Variants in RFX3 observed in about 807,000 individuals in gnomAD.
RFX3 encodes transcription factor RFX3.
Under a neutral mutation model 98.6 loss-of-function variants are expected in RFX3, and 14 were observed. The observed-to-expected ratio is 0.14, with a 90% CI of 0.09 to 0.22. The LOEUF (loss-of-function observed/expected upper bound fraction) is 0.22, where lower values mean the gene tolerates loss of function less well. RFX3 is among the 10% of genes least tolerant of loss of function. The probability of loss-of-function intolerance (pLI) is 1.00; values close to 1 mark genes in which losing one functional copy is unlikely to be tolerated. For synonymous variants in RFX3, 383 were observed against 328.4 expected, an observed-to-expected ratio of 1.17 and a Z score of -1.80; for missense variants, 639 against 926.9, an observed-to-expected ratio of 0.69 and a Z score of 4.03.
rs547062921 is a variant in RFX3, at chr9:3,271,278, A to G, written c.1087-160T>C. On this transcript the variant is annotated intron_variant, in intron 9 of 16. Transcript: ENST00000617270. The stretch of plus-strand genomic sequence containing the variant: ...AAATTTTACCAAAGGAAGTGGAAGA[A>G]AAAAAAAAAAGAAACTAGCTAGGAA... Among the ~76,000 whole-genome samples, 33 of 149,702 alleles carry G rather than the reference A, an allele frequency of 2.2e-4. 1 individual carries two copies. The highest frequency in any genetic ancestry group is 7.0e-3 in the Middle Eastern group (2 of 284).
intron 4 of RFX3, among the ~76,000 whole-genome samples, chr9:3,327,193 T>C (rs371317583): frequency 7.9e-5 from 12 of 151,648 alleles, no homozygotes; most frequent in African/African-American, 2.7e-4. Context: ...TGGCATGGCA[T>C]CTCCTAAAAA....
intron 4 of RFX3, among the ~76,000 whole-genome samples, chr9:3,327,201 A>G (rs532870338): frequency 2.0e-5 from 3 of 152,208 alleles, no homozygotes; most frequent in African/African-American, 7.2e-5. Flanking sequence ...CATCTCCTAA[A>G]AAAAAAAATC....
intron 1 of RFX3, among the ~76,000 whole-genome samples, chr9:3,478,413 T>A (rs1271465401): frequency 6.6e-6 from 1 of 151,646 alleles, no homozygotes; most frequent in Non-Finnish European, 1.5e-5. Context: ...CTAGAACTTT[T>A]TTTTTTTTTT....
chr9:3,411,659 T>TG (rs199753904), intron 1 of RFX3, among the ~76,000 whole-genome samples: 3,310 of 137,540 alleles, frequency 0.024, 55 homozygotes, highest in African/African-American at 0.049. Context: ...TGTGTGTGTG[T>TG]TTTTTTTTTT....
rs1237858099 is a variant in RFX3, at chr9:3,219,844, T to G, written c.*5198A>C. 1.3e-5 allele frequency: 2 copies of G among 152,198 alleles called. No individual in the cohort carries two copies. The highest frequency in any genetic ancestry group is 4.8e-5 in the African/African-American group (2 of 41,448). The allele number at this position is 152,198 out of a possible 1,614,324, so 9.4% of individuals were successfully genotyped here. A position where few individuals can be genotyped will look rare whatever the true frequency, so the allele number is the denominator to read the frequency against. ...CAACGTTTACGGCATACTTGCACTA[T>G]GCTATGGATGTCCTTTCACCAGACA... is the stretch of plus-strand genomic sequence containing the variant. On this transcript the variant is annotated 3_prime_UTR_variant, in exon 17 of 17. Transcript: ENST00000617270.
At chr9:3,400,227 T>A (rs996275955) in intron 1 of RFX3, 2 of 982,586 alleles carry the variant, frequency 2.0e-6, no homozygotes, top group African/African-American at 1.7e-5. Context: ...GGCAAACTGA[T>A]GAATTTTTAG....
intron 16 of RFX3, among the ~76,000 whole-genome samples, chr9:3,226,712 C>A (rs1454657580): frequency 6.6e-6 from 1 of 152,062 alleles, no homozygotes; most frequent in African/African-American, 2.4e-5. Flanking sequence ...AGAGGGATAC[C>A]TTTTGTAGAC....
At chr9:3,284,926 A>T (rs1274132952) in intron 7 of RFX3, among the ~76,000 whole-genome samples, 1 of 151,758 alleles carries the variant, frequency 6.6e-6, no homozygotes, top group Non-Finnish European at 1.5e-5. Flanking sequence ...ATTGCTGGGA[A>T]TTGGATTTAT....
At chr9:3,305,058 G>C (rs1829115187) in intron 4 of RFX3, among the ~76,000 whole-genome samples, 1 of 151,996 alleles carries the variant, frequency 6.6e-6, no homozygotes, top group Non-Finnish European at 1.5e-5. Flanking sequence ...CAAAACCCAT[G>C]TATTAAAAGA....
intron 2 of RFX3, among the ~76,000 whole-genome samples, chr9:3,361,903 T>C (rs1446468637): frequency 6.6e-6 from 1 of 152,018 alleles, no homozygotes; most frequent in Non-Finnish European, 1.5e-5. Flanking sequence ...GCCATGATTG[T>C]GCCACTGCAC....
chr9:3,461,179 CTAA>C (rs1394205813), intron 1 of RFX3, among the ~76,000 whole-genome samples: 1 of 151,480 alleles, frequency 6.6e-6, no homozygotes, highest in African/African-American at 2.4e-5. Flanking sequence ...GGTTAAAATT[CTAA>C]TATTTTTAAA....
intron 1 of RFX3, among the ~76,000 whole-genome samples, chr9:3,522,568 T>C (rs1212748897): frequency 6.6e-6 from 1 of 151,814 alleles, no homozygotes; most frequent in Non-Finnish European, 1.5e-5. Context: ...TGTGTGTGTG[T>C]GTGTGTGTGT....
intron 4 of RFX3, among the ~76,000 whole-genome samples, chr9:3,304,430 G>T (rs1829035161): frequency 6.6e-6 from 1 of 151,886 alleles, no homozygotes; most frequent in African/African-American, 2.4e-5. Flanking sequence ...TTACAATCCA[G>T]TAAGAGAGAC....
intron 1 of RFX3, among the ~76,000 whole-genome samples, chr9:3,513,651 G>C (rs1177399118): frequency 3.3e-5 from 5 of 152,126 alleles, no homozygotes; most frequent in Non-Finnish European, 5.9e-5. Flanking sequence ...CGGGCAGTAG[G>C]ACTGGAAGTG....
intron 1 of RFX3, among the ~76,000 whole-genome samples, chr9:3,401,039 T>C (rs1444423485): frequency 3.3e-5 from 5 of 152,210 alleles, no homozygotes; most frequent in African/African-American, 7.2e-5. Context: ...CAGCAATCTT[T>C]GGGGTTCTCA....
At chr9:3,423,385 T>C (rs1056932796) in intron 1 of RFX3, among the ~76,000 whole-genome samples, 12 of 152,098 alleles carry the variant, frequency 7.9e-5, no homozygotes, top group Non-Finnish European at 1.6e-4. Flanking sequence ...AAACCAAATA[T>C]ACATCAAGAG....
intron 13 of RFX3, among the ~76,000 whole-genome samples, chr9:3,259,387 T>A (rs978492023): frequency 1.3e-5 from 2 of 152,076 alleles, no homozygotes; most frequent in South Asian, 4.1e-4. Context: ...TTTACTACTC[T>A]CTAAAGTGAA....
intron 1 of RFX3, among the ~76,000 whole-genome samples, chr9:3,484,080 C>T (rs1221298856): frequency 6.6e-6 from 1 of 152,132 alleles, no homozygotes; most frequent in East Asian, 1.9e-4. Flanking sequence ...AAAATAAAAA[C>T]AATGTTGCAG....
chr9:3,335,363 C>G (rs1023388032), intron 3 of RFX3, among the ~76,000 whole-genome samples: 1 of 152,056 alleles, frequency 6.6e-6, no homozygotes, highest in South Asian at 2.1e-4. Flanking sequence ...TTTTTAGGTA[C>G]TAGAAATAGA....
Sources: gnomAD v4.1 joint callset for allele counts (sites outside exome capture counted in the v4.1 genomes callset) on GRCh38, gnomAD v4.1.1 for gene constraint, MANE v1.5 for transcripts, NCBI Gene and HGNC (gene_info 2026-07-23, HGNC 2026-07-21) for gene names.